TSHZ2: variants seen among roughly 807,000 people sequenced by gnomAD.
TSHZ2 encodes teashirt zinc finger homeobox 2.
TSHZ2 carries 21 observed loss-of-function variants against 74.4 expected under a neutral mutation model. The observed-to-expected ratio is 0.28, with a 90% CI of 0.20 to 0.41. The LOEUF (loss-of-function observed/expected upper bound fraction) is 0.41. Among genes scored for constraint, TSHZ2 ranks in the 10% least tolerant of loss-of-function variants. The pLI is 1.00. For synonymous variants in TSHZ2, 540 were observed against 515.3 expected (o/e 1.05, Z -0.65); for missense variants, 1,244 against 1,293.5 (o/e 0.96, Z 0.59).
At chr20:53,092,767 T>C (rs1600685885) in intron 1 of TSHZ2, among the ~76,000 whole-genome samples, 1 of 152,240 alleles carries the variant, frequency 6.6e-6, no homozygotes, top group East Asian at 1.9e-4. Context: ...AGTATCTTTG[T>C]TGCATCACGT....
chr20:53,429,013 A>T (rs1983749079), intron 2 of TSHZ2, among the ~76,000 whole-genome samples: 1 of 152,214 alleles, frequency 6.6e-6, no homozygotes, highest in African/African-American at 2.4e-5. Context: ...TTCTACAGGT[A>T]AACACAGCTA....
At chr20:53,380,599 A>G (rs1981822232) in intron 2 of TSHZ2, among the ~76,000 whole-genome samples, 1 of 152,206 alleles carries the variant, frequency 6.6e-6, no homozygotes, top group African/African-American at 2.4e-5. Context: ...ATAAAATCCA[A>G]CAAAGACAGT....
At chr20:53,343,986 A>T (rs1156607283) in intron 2 of TSHZ2, among the ~76,000 whole-genome samples, 2 of 152,184 alleles carry the variant, frequency 1.3e-5, no homozygotes, top group African/African-American at 4.8e-5. Flanking sequence ...AGAATCTCAC[A>T]GCTCTGGAGT....
At chr20:53,293,893 G>A (rs1991328138) in intron 2 of TSHZ2, among the ~76,000 whole-genome samples, 3 of 151,952 alleles carry the variant, frequency 2.0e-5, no homozygotes, top group South Asian at 2.1e-4. Context: ...GTGCATGTCT[G>A]TAATCCCAGC....
At chr20:53,295,978 A>G (rs1991371545) in intron 2 of TSHZ2, among the ~76,000 whole-genome samples, 2 of 149,674 alleles carry the variant, frequency 1.3e-5, no homozygotes, top group Non-Finnish European at 3.0e-5. Flanking sequence ...TCTGCACCTC[A>G]TGCTTTAGCT....
intron 1 of TSHZ2, among the ~76,000 whole-genome samples, chr20:53,233,405 C>T (rs1297076159): frequency 6.6e-6 from 1 of 152,126 alleles, no homozygotes; most frequent in African/African-American, 2.4e-5. Context: ...GAGATCCTGT[C>T]TAATAGGGGA....
intron 2 of TSHZ2, among the ~76,000 whole-genome samples, chr20:53,427,217 GAACAAA>G (rs1485356074): frequency 6.6e-6 from 1 of 152,132 alleles, no homozygotes; most frequent in Non-Finnish European, 1.5e-5. Context: ...AGAAGGGGAA[GAACAAA>G]GACAAAGACA....
At chr20:53,163,360 C>CT (rs55685519) in intron 1 of TSHZ2, among the ~76,000 whole-genome samples, 4,453 of 65,628 alleles carry the variant, frequency 0.068, 463 homozygotes, top group African/African-American at 0.13. Context: ...CTCTCTGTCT[C>CT]TTTTTTTTTT....
rs139560105 is a variant in TSHZ2 at position 53,109,390 on chromosome 20, A to G, written c.40+136057A>G. ...TCTCTAGACCTATGCTTCTTTCTCA[A>G]TCCACCCTATCTCTCTCTTATCTTT... is the stretch of plus-strand genomic sequence containing the variant. On this transcript the variant is annotated intron_variant, in intron 1 of 2. Coordinates refer to ENST00000371497, the MANE Select transcript of TSHZ2 (RefSeq NM_173485.6). Among the ~76,000 whole-genome samples, 998 of 152,120 alleles carry G rather than the reference A, an allele frequency of 6.6e-3. 10 individuals are homozygous for G. Among genetic ancestry groups the G allele is most frequent in the Admixed American group, 6.9e-3 (106 of 15,284 alleles).
chr20:53,235,634 C>T (rs1989925556), intron 1 of TSHZ2, among the ~76,000 whole-genome samples: 1 of 152,142 alleles, frequency 6.6e-6, no homozygotes, highest in Non-Finnish European at 1.5e-5. Context: ...ACAGTAGGTA[C>T]TTGAAGAAAT....
In TSHZ2 at chr20:53,493,401, C is replaced by A. The variant is rs1322255686; in HGVS notation, c.*6266C>A. The A allele has an allele frequency of 6.6e-6, 1 of 152,148 alleles. No individual in the cohort carries two copies. Among genetic ancestry groups the A allele is most frequent in the African/African-American group, 2.4e-5 (1 of 41,422 alleles). The allele number at this position is 152,148 out of a possible 1,614,324, so 9.4% of individuals were successfully genotyped here. On this transcript the variant is annotated 3_prime_UTR_variant, in exon 3 of 3. Coordinates refer to ENST00000371497, the MANE Select transcript of TSHZ2 (RefSeq NM_173485.6). ...TTTTCCTTTTAAAGGCATGCTTTACCCCCATGGGAAAACTGCACACTCATC... is the reference window on the plus strand; with the variant it reads ...TTTTCCTTTTAAAGGCATGCTTTACACCCATGGGAAAACTGCACACTCATC...
intron 2 of TSHZ2, among the ~76,000 whole-genome samples, chr20:53,414,996 G>A (rs555845969): frequency 3.4e-4 from 52 of 152,278 alleles, no homozygotes; most frequent in South Asian, 3.1e-3. Context: ...TGAGGACAGG[G>A]CCTGTCATAT....
chr20:53,418,440 T>C (rs1983349702), intron 2 of TSHZ2, among the ~76,000 whole-genome samples: 2 of 152,184 alleles, frequency 1.3e-5, no homozygotes, highest in African/African-American at 2.4e-5. Context: ...AAGAGAGATT[T>C]ATTGGACTTC....
At chr20:53,056,880 G>A (rs1984656733) in intron 1 of TSHZ2, among the ~76,000 whole-genome samples, 1 of 152,114 alleles carries the variant, frequency 6.6e-6, no homozygotes, top group East Asian at 1.9e-4. Context: ...GTGGCTTCTT[G>A]TCTGTTAGTA....
chr20:53,166,494 G>C (rs1404146635), intron 1 of TSHZ2, among the ~76,000 whole-genome samples: 1 of 152,182 alleles, frequency 6.6e-6, no homozygotes, highest in Non-Finnish European at 1.5e-5. Flanking sequence ...AATTAGGCCA[G>C]GAGTGGTGGC....
chr20:53,334,683 T>G (rs1212088961), intron 2 of TSHZ2, among the ~76,000 whole-genome samples: 1 of 152,094 alleles, frequency 6.6e-6, no homozygotes, highest in Non-Finnish European at 1.5e-5. Flanking sequence ...TTTACTTTTT[T>G]TTTTTCTAAT....
intron 2 of TSHZ2, among the ~76,000 whole-genome samples, chr20:53,332,684 G>C (rs1979773015): frequency 6.6e-6 from 1 of 152,188 alleles, no homozygotes; most frequent in Admixed American, 6.5e-5. Context: ...AGCTAGTTCA[G>C]GCTAGATTCA....
At chr20:53,472,168 C>T (rs1244824521) in intron 2 of TSHZ2, among the ~76,000 whole-genome samples, 1 of 152,152 alleles carries the variant, frequency 6.6e-6, no homozygotes, top group African/African-American at 2.4e-5. Flanking sequence ...TTTATAAGCT[C>T]ACTTTGTTTG....
chr20:53,050,252 G>T (rs1264270209), intron 1 of TSHZ2, among the ~76,000 whole-genome samples: 1 of 149,986 alleles, frequency 6.7e-6, no homozygotes, highest in African/African-American at 2.5e-5. Flanking sequence ...AAAGTGTTTT[G>T]TGATTGGTAT....
Sources: gnomAD v4.1 joint callset for allele counts (sites outside exome capture counted in the v4.1 genomes callset) on GRCh38, gnomAD v4.1.1 for gene constraint, MANE v1.5 for transcripts, NCBI Gene and HGNC (gene_info 2026-07-23, HGNC 2026-07-21) for gene names.